Variants in SUPT3H observed in about 807,000 individuals in gnomAD.
SUPT3H encodes the protein SPT3 homolog, SAGA and STAGA complex component, also known as transcription initiation protein SPT3 homolog.
Under a neutral mutation model 44.3 loss-of-function variants are expected in SUPT3H, and 44 were observed. The observed-to-expected ratio is 0.99, with a 90% confidence interval of 0.78 to 1.28. The LOEUF is 1.28. Ranked by LOEUF, SUPT3H falls within the 50% of genes most tolerant of loss-of-function variation. The probability of loss-of-function intolerance (pLI) is 0.00; values close to 1 mark genes in which losing one functional copy is unlikely to be tolerated. For missense variants in SUPT3H, 380 were observed against 387.1 expected, an observed-to-expected ratio of 0.98 and a Z score of 0.15; for synonymous variants, 124 against 125.6, an observed-to-expected ratio of 0.99 and a Z score of 0.09.
intron 2 of SUPT3H, among the ~76,000 whole-genome samples, chr6:45,222,175 A>G (rs1766174095): frequency 6.6e-6 from 1 of 152,166 alleles, no homozygotes; most frequent in Non-Finnish European, 1.5e-5. Context: ...AAAAAAAAGT[A>G]GAAGAAAATC....
chr6:45,306,782 G>C (rs1024945470), intron 2 of SUPT3H, among the ~76,000 whole-genome samples: 3 of 110,366 alleles, frequency 2.7e-5, no homozygotes, highest in African/African-American at 9.1e-5. Flanking sequence ...TTGTCAGACA[G>C]TGGGTGCAGG....
chr6:44,910,402 T>C (rs1330942218), intron 10 of SUPT3H, among the ~76,000 whole-genome samples: 2 of 152,226 alleles, frequency 1.3e-5, no homozygotes, highest in Non-Finnish European at 2.9e-5. Flanking sequence ...TTAATAACCA[T>C]TGTTCTCATT....
intron 10 of SUPT3H, among the ~76,000 whole-genome samples, chr6:44,835,020 A>AT (rs1380552436): frequency 6.6e-6 from 1 of 152,084 alleles, no homozygotes; most frequent in Non-Finnish European, 1.5e-5. Context: ...GAATCACTTA[A>AT]TTTTCCTGAG....
intron 6 of SUPT3H, among the ~76,000 whole-genome samples, chr6:44,985,209 AAAT>A (rs370543170): frequency 0.073 from 1,526 of 20,872 alleles, 33 homozygotes; most frequent in African/African-American, 0.19. Flanking sequence ...ATAAATAAAT[AAAT>A]AAATAAAATA....
intron 10 of SUPT3H, among the ~76,000 whole-genome samples, chr6:44,925,644 C>A (rs1035090959): frequency 2.0e-5 from 3 of 152,064 alleles, no homozygotes; most frequent in African/African-American, 4.8e-5. Flanking sequence ...ACCATGGGTA[C>A]CACCCACTGC....
intron 10 of SUPT3H, among the ~76,000 whole-genome samples, chr6:44,841,709 G>C (rs753663494): frequency 6.6e-6 from 1 of 152,200 alleles, no homozygotes; most frequent in African/African-American, 2.4e-5. Flanking sequence ...AATGCTTAAT[G>C]CATCTTTGGG....
Position 44,829,785 on chromosome 6 carries a change from CTGT to C in SUPT3H, c.*28_*30del, listed in dbSNP as rs3217117. On this transcript the variant is annotated 3_prime_UTR_variant, in exon 11 of 11. Transcript: ENST00000371459. Reference sequence around the variant, plus strand: ...TCACCTTAATATAACATTGCCTTTCCTGTTGTTGCAGGCACATCACAGTTGTCA... The same window carrying C: ...TCACCTTAATATAACATTGCCTTTCCTGTTGCAGGCACATCACAGTTGTCA... 9 of 1,608,230 alleles carry C rather than the reference CTGT, an allele frequency of 5.6e-6. No individual in the cohort carries two copies. In the East Asian group the frequency reaches 1.6e-4, roughly 28 times the overall value.
chr6:44,863,556 G>A (rs777135931), intron 10 of SUPT3H, among the ~76,000 whole-genome samples: 13 of 152,150 alleles, frequency 8.5e-5, no homozygotes, highest in South Asian at 2.1e-4. Flanking sequence ...GTGGAAAGAC[G>A]TTGGGGTAGG....
chr6:45,223,476 T>C (rs1766402674), intron 2 of SUPT3H, among the ~76,000 whole-genome samples: 1 of 152,038 alleles, frequency 6.6e-6, no homozygotes, highest in African/African-American at 2.4e-5. Context: ...CGTATGTACC[T>C]AGAAATTCCA....
intron 2 of SUPT3H, among the ~76,000 whole-genome samples, chr6:45,208,388 C>A (rs1763534899): frequency 6.6e-6 from 1 of 152,132 alleles, no homozygotes; most frequent in African/African-American, 2.4e-5. Flanking sequence ...AGCAACTTAA[C>A]AAGAAGATCT....
At chr6:45,340,544 G>T (rs141420221) in intron 2 of SUPT3H, among the ~76,000 whole-genome samples, 19 of 151,904 alleles carry the variant, frequency 1.3e-4, no homozygotes, top group Admixed American at 1.1e-3. Flanking sequence ...GGCTGGTCTC[G>T]AACTACTGGG....
intron 10 of SUPT3H, among the ~76,000 whole-genome samples, chr6:44,932,100 C>T (rs1296868142): frequency 1.3e-5 from 2 of 152,164 alleles, no homozygotes; most frequent in Non-Finnish European, 2.9e-5. Context: ...CACCTGCACA[C>T]ACTTTCTTTA....
chr6:45,339,309 G>C (rs909231357), intron 2 of SUPT3H, among the ~76,000 whole-genome samples: 11 of 152,106 alleles, frequency 7.2e-5, no homozygotes, highest in Admixed American at 5.9e-4. Flanking sequence ...TGGAGAGAAA[G>C]CCTTCAGAAC....
At chr6:45,130,332 T>G (rs1359251471) in intron 2 of SUPT3H, among the ~76,000 whole-genome samples, 1 of 152,226 alleles carries the variant, frequency 6.6e-6, no homozygotes, top group Non-Finnish European at 1.5e-5. Context: ...GGGTCATCCA[T>G]GTTGTAACAT....
At chr6:45,132,089 T>C (rs1361553615) in intron 2 of SUPT3H, among the ~76,000 whole-genome samples, 1 of 152,178 alleles carries the variant, frequency 6.6e-6, no homozygotes, top group Non-Finnish European at 1.5e-5. Context: ...ATTTCTGGAA[T>C]TTTCTATTTA....
intron 2 of SUPT3H, among the ~76,000 whole-genome samples, chr6:45,286,356 G>A (rs928361623): frequency 8.5e-5 from 13 of 152,128 alleles, no homozygotes; most frequent in Non-Finnish European, 1.9e-4. Flanking sequence ...ATCTGACAAA[G>A]GGCGAATATC....
intron 2 of SUPT3H, among the ~76,000 whole-genome samples, chr6:45,189,411 A>C (rs1473803130): frequency 6.6e-6 from 1 of 152,174 alleles, no homozygotes; most frequent in Non-Finnish European, 1.5e-5. Context: ...TCAACTAATA[A>C]AAAATGTTAA....
At chr6:45,331,632 C>T (rs1200211755) in intron 2 of SUPT3H, among the ~76,000 whole-genome samples, 1 of 151,788 alleles carries the variant, frequency 6.6e-6, no homozygotes, top group South Asian at 2.1e-4. Context: ...TTTTACATTA[C>T]AAACTGTTAA....
chr6:45,357,390 G>A (rs1793429523), intron 2 of SUPT3H, among the ~76,000 whole-genome samples: 1 of 151,996 alleles, frequency 6.6e-6, no homozygotes, highest in Non-Finnish European at 1.5e-5. Flanking sequence ...GAGAACAGTG[G>A]CAGGATCATG....
Sources: allele counts gnomAD v4.1 joint callset (sites outside exome capture counted in the v4.1 genomes callset), GRCh38; gene constraint gnomAD v4.1.1; transcripts MANE v1.5; gene names NCBI Gene and HGNC (gene_info 2026-07-23, HGNC 2026-07-21).